CAPG: variants seen among roughly 807,000 people sequenced by gnomAD.
CAPG encodes macrophage-capping protein.
Under a neutral mutation model 44.6 loss-of-function variants are expected in CAPG, and 32 were observed. That is an observed-to-expected ratio of 0.72 (90% CI 0.54 to 0.96). CAPG has a LOEUF of 0.96. CAPG is among the 50% of genes least tolerant of loss of function. The pLI is 0.00. For synonymous variants in CAPG, 175 were observed against 179.6 expected (o/e 0.97, Z 0.20); for missense variants, 412 against 438.3 (o/e 0.94, Z 0.54).
Position 85,401,239 on chromosome 2 carries a change from T to G in CAPG, c.442A>C (p.Ile148Leu), listed in dbSNP as rs1381355749. 1 of 1,614,160 alleles carries G rather than the reference T, an allele frequency of 6.2e-7. No individual in the cohort carries two copies. Among genetic ancestry groups the G allele is most frequent in the Non-Finnish European group, 8.5e-7 (1 of 1,180,006 alleles). The change falls in exon 5 of 10, where the codon ATC becomes CTC. Residue 148 changes from isoleucine (I) to leucine (L), a missense_variant. Coordinates refer to ENST00000263867, the MANE Select transcript of CAPG (RefSeq NM_001747.4). ...TTCAGTGCCCGCTCGGTGGCACGGA[T>G]GTTCTTCTTCCCCTTCACCTGGTAG... ...KLYQVKGKKN[I>L]RATERALNWD...
Position 85,395,406 on chromosome 2 carries a change from T to C in CAPG, c.981+132A>G. 1 of 670,510 alleles carries C rather than the reference T, an allele frequency of 1.5e-6. No individual in the cohort carries two copies. Among genetic ancestry groups the C allele is most frequent in the Non-Finnish European group, 2.7e-6 (1 of 371,332 alleles). 41.5% of individuals were successfully genotyped at this position (670,510 alleles called of 1,614,324 possible). A position where few individuals can be genotyped will look rare whatever the true frequency, so the allele number is the denominator to read the frequency against. Reference sequence around the variant, plus strand: ...GATTGAGATGGGCTTTCCCACTGGATGGGTCTAAGAGGGAGGCCTGGTTGT... The same window carrying C: ...GATTGAGATGGGCTTTCCCACTGGACGGGTCTAAGAGGGAGGCCTGGTTGT... On this transcript the variant is annotated intron_variant, in intron 9 of 9. Transcript: ENST00000263867. This position sits in a 1 kb window ranked among gnomAD's most constrained non-coding sequence, Gnocchi z 4.3.
chr2:85,418,705 C>G (rs930315734), upstream of CAPG: 1 of 152,334 alleles, frequency 6.6e-6, no homozygotes, highest in Admixed American at 6.5e-5. Flanking sequence ...TCCCGGCAGG[C>G]AGCGGGCCGT....
In CAPG at chr2:85,394,959, C is replaced by A. The variant is rs1328240201; in HGVS notation, c.982-1G>T. On this transcript the variant is annotated splice_acceptor_variant, in intron 9 of 9. Transcript: ENST00000263867. LOFTEE classifies it high-confidence loss of function. The stretch of plus-strand genomic sequence containing the variant: ...CATGGCCCTGAGGCAGAATCTCCAC[C>A]TGCAGGGACAGCGGGGGAGAAGTCT... 2.5e-6 allele frequency: 4 copies of A among 1,610,170 alleles called. No homozygotes were observed. The South Asian group carries it at 4.4e-5, about 18-fold the overall frequency.
chr2:85,411,352 A>C (rs1558739226), upstream of CAPG, among the ~76,000 whole-genome samples: 1 of 152,162 alleles, frequency 6.6e-6, no homozygotes, highest in Non-Finnish European at 1.5e-5. Context: ...TCCTGCCTAC[A>C]TCACAGTCAC....
chr2:85,413,483 G>T (rs1558740096), upstream of CAPG, among the ~76,000 whole-genome samples: 1 of 152,210 alleles, frequency 6.6e-6, no homozygotes. Flanking sequence ...GGGAGGCTAA[G>T]GCAGGAGAAT....
intron 7 of CAPG, chr2:85,398,355 C>A (rs1168572186): frequency 4.8e-6 from 3 of 625,430 alleles, no homozygotes; most frequent in Non-Finnish European, 8.3e-6. Context: ...CCAATCCCTG[C>A]AGCACAGGGG....
At chr2:85,417,235 A>G (rs1370730825) in intron 1 of CAPG, among the ~76,000 whole-genome samples, 1 of 152,092 alleles carries the variant, frequency 6.6e-6, no homozygotes, top group African/African-American at 2.4e-5. Context: ...CCTTGATATG[A>G]TTTTCTCATT....
Position 85,402,128 on chromosome 2 carries a change from G to A in CAPG, c.18C>T (p.Pro6=). Residue 6 remains proline (P), a synonymous_variant, in exon 2 of 10, where the codon CCC becomes CCT. Coordinates refer to ENST00000263867, the MANE Select transcript of CAPG (RefSeq NM_001747.4). ...AGATGGGGCATGCAGCTTACCTCTG[G>A]GGAATGGCTGTGTACATGCTGTCTT... MYTAI[P]QSGSPFPGSV... 1 of 1,607,956 alleles carries A rather than the reference G, an allele frequency of 6.2e-7. No individual in the cohort carries two copies. The highest frequency in any genetic ancestry group is 2.2e-5 in the East Asian group (1 of 44,718).
At chr2:85,397,477 G>A (rs2104788383) in intron 8 of CAPG, among the ~76,000 whole-genome samples, 1 of 152,080 alleles carries the variant, frequency 6.6e-6, no homozygotes, top group East Asian at 1.9e-4. Context: ...GGGAGGCCGA[G>A]GCCGGTGCAT....
At chr2:85,398,231 C>T (rs1410878672) in intron 7 of CAPG, 79 bp from the exon 8 acceptor site, 12 of 1,514,070 alleles carry the variant, frequency 7.9e-6, no homozygotes, top group Middle Eastern at 2.4e-4. Flanking sequence ...GAGGCTGGTC[C>T]TCCCTAGGTC....
downstream of CAPG, among the ~76,000 whole-genome samples, chr2:85,392,786 C>T (rs1686432535): frequency 6.6e-6 from 1 of 152,136 alleles, no homozygotes; most frequent in South Asian, 2.1e-4. Context: ...CATGGCATGG[C>T]AGGAGTTGAA....
Position 85,395,549 on chromosome 2 carries a change from G to A in CAPG, c.970C>T (p.Pro324Ser), listed in dbSNP as rs1413164011. 3.7e-6 allele frequency: 6 copies of A among 1,613,334 alleles called. No homozygotes were observed. The African/African-American group carries it at 6.7e-5, about 18-fold the overall frequency. The stretch of plus-strand genomic sequence containing the variant: ...GCGCATCTCCTCACCTGAGTGTTCG[G>A]GGCGTACTGCATGCGCGAGATGAAG... The part of the protein sequence containing the change: ...EGFISRMQYA[P>S]NTQVEILPQG... The change falls in exon 9 of 10, where the codon CCG becomes TCG. Residue 324 changes from proline to serine, a missense_variant. By Grantham distance (74) the Pro-to-Ser change is moderately conservative (BLOSUM62 -1). Transcript: ENST00000263867. This position sits in a 1 kb window ranked among gnomAD's most constrained non-coding sequence, Gnocchi z 4.3.
rs2104808869 is a variant in CAPG, at chr2:85,401,566, A to G, written c.314T>C (p.Leu105Pro). The change falls in exon 4 of 10, where the codon CTC (leucine) becomes CCC (proline). Residue 105 changes from leucine to proline, a missense_variant. Leu to Pro is a moderately conservative substitution (Grantham distance 98). Coordinates refer to ENST00000263867, the MANE Select transcript of CAPG (RefSeq NM_001747.4). Reference protein sequence around the residue: ...HREVQGNESDLFMSYFPRGLK... With the variant: ...HREVQGNESDPFMSYFPRGLK... ...GCCCCGTGGGAAGTAGCTCATGAAGAGGTCAGACTCATTGCCCTGCACCTC... is the reference window on the plus strand; with the variant it reads ...GCCCCGTGGGAAGTAGCTCATGAAGGGGTCAGACTCATTGCCCTGCACCTC... 6.2e-7 allele frequency: 1 copy of G among 1,614,118 alleles called. No homozygotes were observed. The highest frequency in any genetic ancestry group is 2.2e-5 in the East Asian group (1 of 44,864).
At chr2:85,410,132 G>A (rs1050608909) in intron 1 of CAPG, among the ~76,000 whole-genome samples, 185 bp downstream of exon 1, 2 of 152,216 alleles carry the variant, frequency 1.3e-5, no homozygotes, top group African/African-American at 4.8e-5. Flanking sequence ...CATAAGGCTG[G>A]CAGGACAGCA....
intron 4 of CAPG, 33 bp from the exon 5 acceptor site, chr2:85,401,362 A>C: frequency 6.2e-7 from 1 of 1,607,402 alleles, no homozygotes; most frequent in Admixed American, 1.7e-5. Flanking sequence ...GAGTGGACTG[A>C]CAGGAGACCC....
chr2:85,410,026 T>C (rs1687349803), intron 1 of CAPG, among the ~76,000 whole-genome samples: 1 of 152,224 alleles, frequency 6.6e-6, no homozygotes, highest in African/African-American at 2.4e-5. Context: ...GGACAAGCCC[T>C]GACCCAAGAG....
downstream of CAPG, among the ~76,000 whole-genome samples, chr2:85,392,343 CTG>C (rs1341266874): frequency 6.7e-6 from 1 of 148,976 alleles, no homozygotes; most frequent in African/African-American, 2.5e-5. Context: ...TGAGTCGAGA[CTG>C]TGCCATTGCA....
chr2:85,396,493 A>G (rs774874346), intron 8 of CAPG, among the ~76,000 whole-genome samples: 10 of 152,192 alleles, frequency 6.6e-5, no homozygotes, highest in Non-Finnish European at 1.0e-4. Flanking sequence ...GCCATGAACT[A>G]CAATGTATCT....
chr2:85,398,922 G>A (rs1166507521), intron 6 of CAPG, 140 bp from the exon 7 acceptor site: 1 of 812,726 alleles, frequency 1.2e-6, no homozygotes, highest in Admixed American at 2.8e-5. Context: ...GTGAGTGAGG[G>A]CTGAGTCCAG....
Sources: gnomAD v4.1 joint callset for allele counts (sites outside exome capture counted in the v4.1 genomes callset) on GRCh38, gnomAD v4.1.1 for gene constraint, Gnocchi (gnomAD v3.1) non-coding constraint, MANE v1.5 for transcripts, NCBI Gene and HGNC (gene_info 2026-07-23, HGNC 2026-07-21) for gene names.